Variants in CA10 observed in about 807,000 individuals in gnomAD.
CA10 encodes the protein carbonic anhydrase-related protein 10.
Under a neutral mutation model 44.2 loss-of-function variants are expected in CA10, and 14 were observed. That is an observed-to-expected ratio of 0.32 (90% confidence interval 0.21 to 0.50). CA10 has a LOEUF of 0.50. Ranked by LOEUF, CA10 falls within the 20% of genes least tolerant of loss-of-function variation. CA10 has a pLI of 0.99. For synonymous variants in CA10, 159 were observed against 141.6 expected (o/e 1.12, Z -0.87); for missense variants, 350 against 409.7 (o/e 0.85, Z 1.26).
chr17:52,066,560 C>A (rs1987542694), intron 2 of CA10, among the ~76,000 whole-genome samples: 2 of 152,140 alleles, frequency 1.3e-5, no homozygotes, highest in East Asian at 3.8e-4. Context: ...AGCTCTTTTG[C>A]CTGCTGCCAT....
chr17:51,919,037 C>A (rs1982119316), intron 3 of CA10, among the ~76,000 whole-genome samples: 1 of 152,114 alleles, frequency 6.6e-6, no homozygotes, highest in Non-Finnish European at 1.5e-5. Flanking sequence ...TTATTTATTC[C>A]AGTTTTTCAG....
chr17:51,925,788 A>C (rs953619842), intron 3 of CA10, among the ~76,000 whole-genome samples: 1 of 152,214 alleles, frequency 6.6e-6, no homozygotes, highest in Non-Finnish European at 1.5e-5. Flanking sequence ...ACATGCTCCA[A>C]CATGGATGGA....
intron 3 of CA10, 47 bp downstream of exon 3, chr17:51,930,942 AG>A: frequency 6.2e-7 from 1 of 1,605,966 alleles, no homozygotes; most frequent in Non-Finnish European, 8.5e-7. Context: ...TTCAGAATCA[AG>A]ATGGCCCCAT....
intron 4 of CA10, among the ~76,000 whole-genome samples, chr17:51,696,748 C>T (rs559946287): frequency 1.3e-5 from 2 of 152,088 alleles, no homozygotes; most frequent in Non-Finnish European, 2.9e-5. Flanking sequence ...CTTAACATAA[C>T]TTTTGCTGTA....
In CA10 at chr17:51,758,845, A is replaced by G. The variant is rs574370566; in HGVS notation, c.280-11027T>C. Reference sequence around the variant, plus strand: ...CTGACACAAAACCTTCGAGGTCAGCATGAGCTTCCCATTTTCCAGTAAGAG... The same window carrying G: ...CTGACACAAAACCTTCGAGGTCAGCGTGAGCTTCCCATTTTCCAGTAAGAG... On this transcript the variant is annotated intron_variant, in intron 3 of 8. Coordinates refer to ENST00000451037, the MANE Select transcript of CA10 (RefSeq NM_020178.5). 2.6e-5 allele frequency among the ~76,000 whole-genome samples: 4 copies of G among 152,330 alleles called. No individual in the cohort carries two copies. In the South Asian group the frequency reaches 8.3e-4, roughly 32 times the overall value.
intron 1 of CA10, among the ~76,000 whole-genome samples, chr17:52,090,440 GC>G (rs1567729818): frequency 6.6e-6 from 1 of 152,092 alleles, no homozygotes; most frequent in African/African-American, 2.4e-5. Flanking sequence ...CATTGATGAT[GC>G]TGAAATATTC....
chr17:52,012,500 G>A (rs989289824), intron 2 of CA10, among the ~76,000 whole-genome samples: 7 of 152,102 alleles, frequency 4.6e-5, no homozygotes, highest in African/African-American at 1.7e-4. Flanking sequence ...AAAGGTCAAA[G>A]TTTATAGAAT....
At chr17:51,708,427 TC>T (rs1331989557) in intron 4 of CA10, among the ~76,000 whole-genome samples, 1 of 152,176 alleles carries the variant, frequency 6.6e-6, no homozygotes, top group Non-Finnish European at 1.5e-5. Context: ...ACTTTTTGCA[TC>T]CTCATGTTGA....
rs562368505 is a variant in CA10 at position 52,086,605 on chromosome 17, A to G, written c.62-14212T>C. Among the ~76,000 whole-genome samples the G allele has an allele frequency of 5.3e-5, 8 of 152,352 alleles. No homozygotes were observed. In the East Asian group the frequency reaches 1.5e-3, roughly 29 times the overall value. On this transcript the variant is annotated intron_variant, in intron 1 of 8. Transcript: ENST00000451037. ...ACTACACAGTGGTGTTGGATTGGAT[A>G]GAACTGAGGGAAGTCTTGTAGAATC...
chr17:51,831,732 G>GC lies in CA10; in HGVS notation c.280-83915_280-83914insG, dbSNP rs1567854679. The stretch of plus-strand genomic sequence containing the variant: ...AGCAGCAGCAGCAGCAGCAGCAGCA[G>GC]AAAAAGACCTTCCTTCCACCTTATT... On this transcript the variant is annotated intron_variant, in intron 3 of 8. Coordinates refer to ENST00000451037, the MANE Select transcript of CA10 (RefSeq NM_020178.5). Among the ~76,000 whole-genome samples the GC allele has an allele frequency of 8.6e-3, 1,259 of 145,842 alleles. 134 individuals carry two copies. The highest frequency in any genetic ancestry group is 0.021 in the Middle Eastern group (6 of 284).
chr17:51,734,883 C>CTCTGGTGG (rs1916847678), intron 4 of CA10, among the ~76,000 whole-genome samples: 8 of 152,176 alleles, frequency 5.3e-5, no homozygotes, highest in African/African-American at 1.9e-4. Flanking sequence ...AACACACCAG[C>CTCTGGTGG]AGGCTCAGTT....
chr17:51,874,781 AC>A (rs754229001), intron 3 of CA10, among the ~76,000 whole-genome samples: 2 of 152,118 alleles, frequency 1.3e-5, no homozygotes, highest in Non-Finnish European at 2.9e-5. Context: ...TAACTCTAAC[AC>A]CAAATTCAGC....
At chr17:51,748,465 A>G in intron 3 of CA10, 1 of 985,308 alleles carries the variant, frequency 1.0e-6, no homozygotes, top group Non-Finnish European at 1.2e-6. Flanking sequence ...GCCCCTTCAA[A>G]CTGCTAACAT....
chr17:51,749,820 C>A (rs146685131), intron 3 of CA10, among the ~76,000 whole-genome samples: 1 of 152,258 alleles, frequency 6.6e-6, no homozygotes, highest in East Asian at 1.9e-4. Context: ...CACTGGGGAA[C>A]GGGGGAGGGA....
chr17:51,995,709 C>G (rs149324397), intron 2 of CA10, among the ~76,000 whole-genome samples: 1 of 152,002 alleles, frequency 6.6e-6, no homozygotes, highest in African/African-American at 2.4e-5. Flanking sequence ...CTCTGACTAT[C>G]CAGGCCTAAG....
intron 3 of CA10, among the ~76,000 whole-genome samples, chr17:51,900,121 G>C (rs1765125930): frequency 6.6e-6 from 1 of 152,036 alleles, no homozygotes; most frequent in Admixed American, 6.6e-5. Flanking sequence ...TGGCTTTATA[G>C]TGTCAATATT....
intron 2 of CA10, among the ~76,000 whole-genome samples, chr17:52,038,370 G>T (rs1986676619): frequency 6.6e-6 from 1 of 152,284 alleles, no homozygotes; most frequent in South Asian, 2.1e-4. Flanking sequence ...GTGCACAGAA[G>T]CTTGGAGAGG....
chr17:51,942,243 A>G (rs1328742975), intron 2 of CA10, among the ~76,000 whole-genome samples: 1 of 152,070 alleles, frequency 6.6e-6, no homozygotes, highest in Non-Finnish European at 1.5e-5. Context: ...AGTTATCTTC[A>G]TGAGACATCA....
chr17:51,891,587 T>A (rs867062134), intron 3 of CA10, among the ~76,000 whole-genome samples: 1 of 152,234 alleles, frequency 6.6e-6, no homozygotes, highest in Non-Finnish European at 1.5e-5. Flanking sequence ...GAAAGTGTTA[T>A]CACGTAAGAA....
Sources: gnomAD v4.1 joint callset for allele counts (sites outside exome capture counted in the v4.1 genomes callset) on GRCh38, gnomAD v4.1.1 for gene constraint, MANE v1.5 for transcripts, NCBI Gene and HGNC (gene_info 2026-07-23, HGNC 2026-07-21) for gene names.